CACNA2D3: variants seen among roughly 807,000 people sequenced by gnomAD.
CACNA2D3 encodes calcium voltage-gated channel auxiliary subunit alpha2delta 3.
Under a neutral mutation model 160.6 loss-of-function variants are expected in CACNA2D3, and 60 were observed. That is an observed-to-expected ratio of 0.37 (90% CI 0.30 to 0.46). CACNA2D3 has a LOEUF of 0.46. Ranked by LOEUF, CACNA2D3 falls within the 20% of genes least tolerant of loss-of-function variation. The pLI is 1.00. For missense variants in CACNA2D3, 1,205 were observed against 1,365.0 expected (o/e 0.88, Z 1.85); for synonymous variants, 558 against 492.9 (o/e 1.13, Z -1.75).
intron 27 of CACNA2D3, among the ~76,000 whole-genome samples, chr3:54,912,629 C>T (rs1700582763): frequency 6.6e-6 from 1 of 152,074 alleles, no homozygotes; most frequent in Admixed American, 6.6e-5. Flanking sequence ...CAGCAGGGAC[C>T]TTCCTTATCA....
chr3:54,313,933 G>T (rs1559446738), intron 2 of CACNA2D3, among the ~76,000 whole-genome samples: 2 of 142,598 alleles, frequency 1.4e-5, no homozygotes, highest in Non-Finnish European at 3.2e-5. Context: ...TGGGGAACAG[G>T]TAGTGTTTGG....
chr3:54,491,682 A>G (rs1701112806), intron 4 of CACNA2D3, among the ~76,000 whole-genome samples: 3 of 152,204 alleles, frequency 2.0e-5, no homozygotes, highest in Admixed American at 2.0e-4. Context: ...ATAAAGTTGT[A>G]TTGGAACACA....
intron 27 of CACNA2D3, among the ~76,000 whole-genome samples, chr3:54,911,071 T>G (rs968165244): frequency 5.9e-5 from 9 of 152,146 alleles, no homozygotes; most frequent in African/African-American, 1.9e-4. Flanking sequence ...TTATTTTAAA[T>G]CAAATCTTAG....
intron 2 of CACNA2D3, among the ~76,000 whole-genome samples, chr3:54,319,187 CACACACACA>C (rs1703934209): frequency 6.6e-6 from 1 of 151,186 alleles, no homozygotes; most frequent in Non-Finnish European, 1.5e-5. Flanking sequence ...CACACACACA[CACACACACA>C]CACACCCTTC....
chr3:54,140,638 A>G (rs1474759939), intron 2 of CACNA2D3, among the ~76,000 whole-genome samples: 1 of 152,224 alleles, frequency 6.6e-6, no homozygotes, highest in East Asian at 1.9e-4. Context: ...GGGTTCACAG[A>G]TCAGTGCCAC....
intron 2 of CACNA2D3, among the ~76,000 whole-genome samples, chr3:54,294,063 T>A (rs1241332410): frequency 1.3e-5 from 2 of 152,202 alleles, no homozygotes; most frequent in African/African-American, 2.4e-5. Flanking sequence ...GCTGATCCCA[T>A]AATTTGGAAG....
intron 31 of CACNA2D3, among the ~76,000 whole-genome samples, chr3:55,001,507 C>G (rs1400665624): frequency 6.6e-6 from 1 of 152,164 alleles, no homozygotes; most frequent in Non-Finnish European, 1.5e-5. Context: ...ATAAGGTAGT[C>G]ATTATTCTCA....
intron 27 of CACNA2D3, chr3:54,918,500 T>C: frequency 6.2e-7 from 1 of 1,613,994 alleles, no homozygotes; most frequent in Non-Finnish European, 8.5e-7. Flanking sequence ...TCTTCCACCT[T>C]CCCAGGATCA....
intron 32 of CACNA2D3, among the ~76,000 whole-genome samples, chr3:55,005,108 T>A (rs1054073460): frequency 1.3e-5 from 2 of 151,940 alleles, no homozygotes; most frequent in Non-Finnish European, 2.9e-5. Context: ...AAACCCTGTC[T>A]CTACTAAAAA....
chr3:54,336,386 T>C (rs1704379622), intron 3 of CACNA2D3, among the ~76,000 whole-genome samples: 1 of 152,110 alleles, frequency 6.6e-6, no homozygotes. Flanking sequence ...TTAAACAGAA[T>C]GTTTAGAGAG....
intron 3 of CACNA2D3, among the ~76,000 whole-genome samples, chr3:54,354,770 C>T (rs1244570581): frequency 6.6e-6 from 1 of 152,216 alleles, no homozygotes; most frequent in East Asian, 1.9e-4. Context: ...TCATGTGTCT[C>T]TCCCTGAGCT....
intron 4 of CACNA2D3, among the ~76,000 whole-genome samples, chr3:54,475,278 T>C (rs2106884181): frequency 6.6e-6 from 1 of 152,292 alleles, no homozygotes; most frequent in African/African-American, 2.4e-5. Flanking sequence ...CAACAAATAG[T>C]CCTGATTTAA....
intron 4 of CACNA2D3, among the ~76,000 whole-genome samples, chr3:54,444,555 T>C (rs1700191843): frequency 6.6e-6 from 1 of 152,162 alleles, no homozygotes; most frequent in Non-Finnish European, 1.5e-5. Context: ...TGTACTTTTC[T>C]CTCATTTTGC....
chr3:54,508,474 T>C (rs1404385499), intron 5 of CACNA2D3, among the ~76,000 whole-genome samples: 2 of 152,160 alleles, frequency 1.3e-5, no homozygotes, highest in Non-Finnish European at 2.9e-5. Context: ...ATCAGCCCCA[T>C]GAAGGCGGGA....
At chr3:54,828,250 T>TG (rs1559597505) in intron 14 of CACNA2D3, among the ~76,000 whole-genome samples, 2 of 152,176 alleles carry the variant, frequency 1.3e-5, no homozygotes, top group African/African-American at 2.4e-5. Context: ...TTGGCCACCA[T>TG]GGGGGGTCAA....
intron 35 of CACNA2D3, among the ~76,000 whole-genome samples, chr3:55,049,130 C>T (rs963669942): frequency 1.3e-5 from 2 of 151,094 alleles, no homozygotes; most frequent in South Asian, 4.2e-4. Context: ...TTAGTTATTT[C>T]TTCCCTTCTG....
intron 15 of CACNA2D3, among the ~76,000 whole-genome samples, chr3:54,837,587 A>G (rs1698723375): frequency 6.6e-6 from 1 of 152,082 alleles, no homozygotes; most frequent in African/African-American, 2.4e-5. Context: ...TGTGTGGCTT[A>G]AAAAAATAGA....
chr3:54,688,425 A>AGG (rs1000226638), intron 11 of CACNA2D3, among the ~76,000 whole-genome samples: 8 of 152,076 alleles, frequency 5.3e-5, no homozygotes, highest in African/African-American at 1.9e-4. Flanking sequence ...AAGGACAGGA[A>AGG]GGAAGGATAA....
chr3:54,493,963 ATACT>A (rs1701157316), intron 4 of CACNA2D3, among the ~76,000 whole-genome samples: 1 of 152,234 alleles, frequency 6.6e-6, no homozygotes, highest in Admixed American at 6.5e-5. Flanking sequence ...TAACTTTTAA[ATACT>A]TACTCATTGA....
Sources: gnomAD v4.1 joint callset for allele counts (sites outside exome capture counted in the v4.1 genomes callset) on GRCh38, gnomAD v4.1.1 for gene constraint, MANE v1.5 for transcripts, NCBI Gene and HGNC (gene_info 2026-07-23, HGNC 2026-07-21) for gene names.